The following CSMD3 variants were observed in gnomAD, a reference collection of about 807,000 sequenced individuals.
The protein encoded by CSMD3 is CUB and Sushi multiple domains 3, also known as CUB and sushi domain-containing protein 3.
A neutral mutation model predicts 435.2 loss-of-function variants in CSMD3; 177 were observed. The observed-to-expected ratio is 0.41, with a 90% CI of 0.36 to 0.46. The LOEUF (loss-of-function observed/expected upper bound fraction) is 0.46, where lower values mean the gene tolerates loss of function less well. CSMD3 is among the 20% of genes least tolerant of loss of function. The probability of loss-of-function intolerance (pLI) is 0.34; values close to 1 mark genes in which losing one functional copy is unlikely to be tolerated. For missense variants in CSMD3, 4,265 were observed against 4,504.6 expected (o/e 0.95, Z 1.52); for synonymous variants, 1,656 against 1,520.5 (o/e 1.09, Z -2.07).
chr8:112,797,123 A>C (rs2078847821), intron 13 of CSMD3, among the ~76,000 whole-genome samples: 1 of 152,034 alleles, frequency 6.6e-6, no homozygotes. Context: ...TTCTAAAGTT[A>C]ATGACAACTT....
chr8:112,745,981 C>T (rs762818168), intron 13 of CSMD3, among the ~76,000 whole-genome samples: 2 of 151,996 alleles, frequency 1.3e-5, no homozygotes, highest in Non-Finnish European at 2.9e-5. Flanking sequence ...AATCGATGGG[C>T]AGTGTTATGA....
chr8:112,643,970 C>T (rs1282332048), intron 20 of CSMD3, among the ~76,000 whole-genome samples: 1 of 151,684 alleles, frequency 6.6e-6, no homozygotes, highest in African/African-American at 2.4e-5. Context: ...CTTCTCATTG[C>T]TAAAAGTATT....
intron 40 of CSMD3, among the ~76,000 whole-genome samples, chr8:112,350,067 T>C (rs1826004681): frequency 6.6e-6 from 1 of 152,044 alleles, no homozygotes; most frequent in South Asian, 2.1e-4. Flanking sequence ...ATGCAAGAGA[T>C]ACCATCTACA....
chr8:112,353,202 C>T (rs1826295294), intron 38 of CSMD3, among the ~76,000 whole-genome samples: 1 of 152,010 alleles, frequency 6.6e-6, no homozygotes, highest in African/African-American at 2.4e-5. Context: ...ACCAGCCTGG[C>T]CACCGTGGTC....
At chr8:112,539,554 A>C (rs1229410836) in intron 27 of CSMD3, among the ~76,000 whole-genome samples, 1 of 152,244 alleles carries the variant, frequency 6.6e-6, no homozygotes, top group Non-Finnish European at 1.5e-5. Context: ...AGACAGTGTG[A>C]TACTGACATA....
At chr8:112,566,174 A>G (rs1195603955) in intron 24 of CSMD3, among the ~76,000 whole-genome samples, 4 of 152,008 alleles carry the variant, frequency 2.6e-5, no homozygotes, top group Admixed American at 2.6e-4. Context: ...CAGAGCTAGT[A>G]TAGCATAGTG....
intron 9 of CSMD3, among the ~76,000 whole-genome samples, chr8:112,931,224 T>G: frequency 6.6e-6 from 1 of 152,238 alleles, no homozygotes; most frequent in Non-Finnish European, 1.5e-5. Flanking sequence ...ACTTTGTTTT[T>G]AAATCATTTT....
chr8:113,167,277 T>C (rs2092170475), intron 4 of CSMD3, among the ~76,000 whole-genome samples: 1 of 152,228 alleles, frequency 6.6e-6, no homozygotes, highest in African/African-American at 2.4e-5. Context: ...TGTTTGGAAC[T>C]AATTAGATAG....
intron 3 of CSMD3, among the ~76,000 whole-genome samples, chr8:113,242,491 T>A (rs180908755): frequency 2.9e-4 from 44 of 152,098 alleles, no homozygotes; most frequent in African/African-American, 1.0e-3. Flanking sequence ...AGTTCACCAA[T>A]CTGAAAATCA....
At chr8:112,391,145 G>A (rs1352849275) in intron 35 of CSMD3, among the ~76,000 whole-genome samples, 8 of 152,004 alleles carry the variant, frequency 5.3e-5, no homozygotes, top group Admixed American at 1.3e-4. Flanking sequence ...AAATTATTTG[G>A]TACTTTCTCC....
intron 38 of CSMD3, among the ~76,000 whole-genome samples, chr8:112,361,265 C>A (rs1332153004): frequency 6.6e-6 from 1 of 151,616 alleles, no homozygotes; most frequent in Non-Finnish European, 1.5e-5. Context: ...ATCAATTAAT[C>A]TGCTGTTGTA....
chr8:113,253,015 C>A (rs2093348023), intron 3 of CSMD3, among the ~76,000 whole-genome samples: 1 of 152,126 alleles, frequency 6.6e-6, no homozygotes, highest in Non-Finnish European at 1.5e-5. Context: ...CTCAGTAGAA[C>A]AGAAACTCAG....
chr8:112,898,814 A>G (rs1219586541), intron 10 of CSMD3, among the ~76,000 whole-genome samples: 2 of 151,270 alleles, frequency 1.3e-5, no homozygotes, highest in Non-Finnish European at 3.0e-5. Flanking sequence ...TTATAAGAAG[A>G]TATGCTGCAT....
At chr8:113,015,059 C>T (rs1037388433) in intron 6 of CSMD3, among the ~76,000 whole-genome samples, 1 of 152,018 alleles carries the variant, frequency 6.6e-6, no homozygotes, top group African/African-American at 2.4e-5. Context: ...ATCTTATTTA[C>T]CTTTGTTCAG....
intron 38 of CSMD3, among the ~76,000 whole-genome samples, chr8:112,371,136 G>A (rs1828351696): frequency 6.6e-6 from 1 of 152,136 alleles, no homozygotes; most frequent in South Asian, 2.1e-4. Context: ...ATGAGAGGAA[G>A]TGGGCAGAGG....
At position 112,511,450 on chromosome 8, in the gene CSMD3, C is replaced by G. The variant is rs189142146; in HGVS notation, c.4757-4621G>C. 3.3e-3 allele frequency among the ~76,000 whole-genome samples: 448 copies of G among 136,132 alleles called. 1 individual carries two copies. Among genetic ancestry groups the G allele is most frequent in the African/African-American group, 0.011 (379 of 35,500 alleles). 89.3% of individuals were successfully genotyped at this position (136,132 alleles called of 152,430 possible). ...TGTTGCCTAGGCTGGAGTGCAGTGG[C>G]GAGATCTCAGCTGACTGCAAGCTCC... On this transcript the variant is annotated intron_variant, in intron 28 of 70. Transcript: ENST00000297405.
chr8:112,527,876 C>A (rs1485723964), intron 27 of CSMD3, among the ~76,000 whole-genome samples: 1 of 152,078 alleles, frequency 6.6e-6, no homozygotes, highest in Non-Finnish European at 1.5e-5. Flanking sequence ...ATGTGACTCA[C>A]ATAAAAATAG....
intron 48 of CSMD3, 27 bp from the exon 49 acceptor site, chr8:112,314,079 G>A (rs780634118): frequency 6.5e-7 from 1 of 1,538,344 alleles, no homozygotes; most frequent in East Asian, 2.3e-5. Flanking sequence ...AAACAATTTA[G>A]ATAAAGCTAA....
chr8:112,816,156 T>C (rs2079369608), intron 12 of CSMD3, among the ~76,000 whole-genome samples: 1 of 152,124 alleles, frequency 6.6e-6, no homozygotes, highest in Non-Finnish European at 1.5e-5. Flanking sequence ...CAGATGTGTC[T>C]TGGAGTAGAA....
Sources: allele counts gnomAD v4.1 joint callset (sites outside exome capture counted in the v4.1 genomes callset), GRCh38; gene constraint gnomAD v4.1.1; transcripts MANE v1.5; gene names NCBI Gene and HGNC (gene_info 2026-07-23, HGNC 2026-07-21).